FHIT: variants seen among roughly 807,000 people sequenced by gnomAD.
FHIT encodes bis(5'-adenosyl)-triphosphatase.
Under a neutral mutation model 17.9 loss-of-function variants are expected in FHIT, and 19 were observed. That is an observed-to-expected ratio of 1.06 (90% confidence interval 0.74 to 1.56). The LOEUF is 1.56. Among genes scored for constraint, FHIT ranks in the 40% most tolerant of loss-of-function variants. The probability of loss-of-function intolerance (pLI) is 0.00; values close to 1 mark genes in which losing one functional copy is unlikely to be tolerated. For missense variants in FHIT, 248 were observed against 189.2 expected (o/e 1.31, Z -1.82); for synonymous variants, 81 against 69.7 (o/e 1.16, Z -0.81).
chr3:60,295,477 G>T (rs960582977), intron 5 of FHIT, among the ~76,000 whole-genome samples: 1 of 151,992 alleles, frequency 6.6e-6, no homozygotes, highest in Non-Finnish European at 1.5e-5. Flanking sequence ...AGAGGGTAAA[G>T]GTGCCAGGTA....
At chr3:59,992,465 C>G (rs1203974160) in intron 7 of FHIT, among the ~76,000 whole-genome samples, 1 of 152,042 alleles carries the variant, frequency 6.6e-6, no homozygotes, top group Non-Finnish European at 1.5e-5. Flanking sequence ...AAGTATTTCC[C>G]TATTAGCGCA....
intron 5 of FHIT, among the ~76,000 whole-genome samples, chr3:60,262,802 A>ATG (rs1407307737): frequency 1.3e-5 from 2 of 151,680 alleles, no homozygotes; most frequent in Non-Finnish European, 2.9e-5. Context: ...TAAACTCTTT[A>ATG]TGTGGTTAGG....
intron 2 of FHIT, among the ~76,000 whole-genome samples, chr3:61,082,834 C>T (rs752959558): frequency 2.6e-5 from 4 of 152,152 alleles, no homozygotes; most frequent in South Asian, 2.1e-4. Context: ...TTGTAAAGGG[C>T]TTGTTCAAAT....
At chr3:60,867,805 T>A (rs1310331962) in intron 3 of FHIT, among the ~76,000 whole-genome samples, 1 of 152,166 alleles carries the variant, frequency 6.6e-6, no homozygotes, top group Non-Finnish European at 1.5e-5. Context: ...ATGACTACAA[T>A]AAGCAGAGCC....
intron 5 of FHIT, among the ~76,000 whole-genome samples, chr3:60,380,701 T>C (rs1700763143): frequency 6.6e-6 from 1 of 152,198 alleles, no homozygotes; most frequent in African/African-American, 2.4e-5. Context: ...TTCAGACCTA[T>C]ATTAAAAATG....
intron 5 of FHIT, among the ~76,000 whole-genome samples, chr3:60,042,550 C>A (rs1701483723): frequency 6.6e-6 from 1 of 152,106 alleles, no homozygotes; most frequent in Non-Finnish European, 1.5e-5. Flanking sequence ...GATTTCCTCA[C>A]ACTGTCTTCC....
chr3:60,439,903 T>C (rs1261926409), intron 5 of FHIT, among the ~76,000 whole-genome samples: 2 of 152,084 alleles, frequency 1.3e-5, no homozygotes, highest in Non-Finnish European at 2.9e-5. Flanking sequence ...CCAGTCTAAA[T>C]GAACCACTGC....
intron 8 of FHIT, among the ~76,000 whole-genome samples, chr3:59,796,202 G>C (rs543300674): frequency 6.6e-6 from 1 of 152,154 alleles, no homozygotes; most frequent in South Asian, 2.1e-4. Context: ...CACATATGGC[G>C]TTAGGTCATT....
At chr3:60,833,023 A>G (rs1199052550) in intron 3 of FHIT, among the ~76,000 whole-genome samples, 3 of 152,176 alleles carry the variant, frequency 2.0e-5, no homozygotes, top group African/African-American at 7.2e-5. Flanking sequence ...CTGGTTGTTG[A>G]TATTTATAGG....
chr3:61,103,484 A>G (rs114236604), intron 2 of FHIT, among the ~76,000 whole-genome samples: 13 of 152,290 alleles, frequency 8.5e-5, no homozygotes, highest in African/African-American at 3.1e-4. Flanking sequence ...CTTTGTGGTC[A>G]ATTTTAGAAT....
chr3:60,698,189 T>C lies in FHIT; in HGVS notation c.-18+123730A>G, dbSNP rs554558854. 3.3e-5 allele frequency among the ~76,000 whole-genome samples: 5 copies of C among 152,318 alleles called. No homozygotes were observed. The East Asian group carries it at 9.7e-4, about 29-fold the overall frequency. On this transcript the variant is annotated intron_variant, in intron 4 of 9. Transcript: ENST00000492590. ...AATGGGATGACCTTTCAAATAGTGC[T>C]TGCTGTTCTCAATGCAAACTCTAAA...
chr3:60,548,140 AGAGC>A (rs869182172), intron 4 of FHIT, among the ~76,000 whole-genome samples: 153 of 2,146 alleles, frequency 0.071, 2 homozygotes, highest in South Asian at 0.25. Context: ...CGAGAGAGAG[AGAGC>A]GAGAGAGAGA....
intron 5 of FHIT, among the ~76,000 whole-genome samples, chr3:60,249,149 T>A (rs1705554571): frequency 6.6e-6 from 1 of 152,200 alleles, no homozygotes; most frequent in Admixed American, 6.5e-5. Context: ...AGTTTAATTC[T>A]CAGGCCCAGC....
At chr3:60,768,471 C>A (rs1051026766) in intron 4 of FHIT, among the ~76,000 whole-genome samples, 2 of 152,214 alleles carry the variant, frequency 1.3e-5, no homozygotes. Context: ...TATTTAGTAT[C>A]TACGGTGGCC....
At chr3:59,894,058 G>C (rs1158308917) in intron 8 of FHIT, among the ~76,000 whole-genome samples, 4 of 152,154 alleles carry the variant, frequency 2.6e-5, no homozygotes. Context: ...CTTTAGACCA[G>C]CCTGGGCAAC....
intron 5 of FHIT, among the ~76,000 whole-genome samples, chr3:60,417,428 T>C (rs1347092250): frequency 6.6e-6 from 1 of 152,176 alleles, no homozygotes; most frequent in Non-Finnish European, 1.5e-5. Flanking sequence ...GTGGGTCCAT[T>C]TGCTGAGACG....
At chr3:60,200,206 T>C (rs915534908) in intron 5 of FHIT, among the ~76,000 whole-genome samples, 2 of 152,146 alleles carry the variant, frequency 1.3e-5, no homozygotes, top group South Asian at 4.1e-4. Flanking sequence ...CACTGGATTG[T>C]GGGTGCTCCC....
At chr3:60,311,965 T>C (rs1375525493) in intron 5 of FHIT, among the ~76,000 whole-genome samples, 3 of 152,160 alleles carry the variant, frequency 2.0e-5, no homozygotes, top group East Asian at 1.9e-4. Flanking sequence ...TACAGTATAA[T>C]AGTTCTTTAT....
chr3:61,095,619 C>T (rs1217964961), intron 2 of FHIT, among the ~76,000 whole-genome samples: 1 of 152,174 alleles, frequency 6.6e-6, no homozygotes. Flanking sequence ...CTTCCTCACC[C>T]ATCCATTGCC....
Sources: gnomAD v4.1 joint callset for allele counts (sites outside exome capture counted in the v4.1 genomes callset) on GRCh38, gnomAD v4.1.1 for gene constraint, MANE v1.5 for transcripts, NCBI Gene and HGNC (gene_info 2026-07-23, HGNC 2026-07-21) for gene names.